The following LRMDA variants were observed in gnomAD, a reference collection of about 807,000 sequenced individuals.
LRMDA encodes leucine-rich melanocyte differentiation-associated protein.
In LRMDA, 18 loss-of-function variants were observed where a neutral mutation model predicts 29.8. The observed-to-expected ratio is 0.60, with a 90% confidence interval of 0.42 to 0.90. The LOEUF (loss-of-function observed/expected upper bound fraction) is 0.90, where lower values mean the gene tolerates loss of function less well. Ranked by LOEUF, LRMDA falls within the 40% of genes least tolerant of loss-of-function variation. The pLI is 0.00. For missense variants in LRMDA, 273 were observed against 273.9 expected, an observed-to-expected ratio of 1.00 and a Z score of 0.02; for synonymous variants, 125 against 109.4, an observed-to-expected ratio of 1.14 and a Z score of -0.89.
intron 6 of LRMDA, among the ~76,000 whole-genome samples, chr10:76,532,876 A>G (rs76050405): frequency 0.015 from 2,335 of 152,272 alleles, 54 homozygotes; most frequent in African/African-American, 0.052. Context: ...ACATTGCTTT[A>G]GTTATCACAG....
chr10:75,852,625 T>C (rs1429512143), intron 2 of LRMDA, among the ~76,000 whole-genome samples: 1 of 152,158 alleles, frequency 6.6e-6, no homozygotes, highest in Non-Finnish European at 1.5e-5. Context: ...CCTGGATTGT[T>C]AGCAAATCTA....
intron 6 of LRMDA, among the ~76,000 whole-genome samples, chr10:76,353,846 G>A (rs888957743): frequency 6.6e-6 from 1 of 152,128 alleles, no homozygotes; most frequent in Non-Finnish European, 1.5e-5. Flanking sequence ...TTTGTAATAA[G>A]GGGGGACATG....
intron 6 of LRMDA, among the ~76,000 whole-genome samples, chr10:76,337,270 T>C (rs1840981171): frequency 6.6e-6 from 1 of 152,190 alleles, no homozygotes; most frequent in Non-Finnish European, 1.5e-5. Context: ...TCAAAGAGCT[T>C]ATGTTCTAGT....
chr10:75,962,429 G>T (rs985773560), intron 2 of LRMDA, among the ~76,000 whole-genome samples: 5 of 152,166 alleles, frequency 3.3e-5, no homozygotes, highest in African/African-American at 9.7e-5. Context: ...CTTTGGTGGG[G>T]GCTCAGCAGT....
intron 5 of LRMDA, among the ~76,000 whole-genome samples, chr10:76,102,641 A>G (rs1849411942): frequency 6.6e-6 from 1 of 151,818 alleles, no homozygotes; most frequent in South Asian, 2.1e-4. Context: ...GGTCAGTTCC[A>G]TGTCTTTTGT....
chr10:76,432,005 T>A (rs1564539896), intron 6 of LRMDA, among the ~76,000 whole-genome samples: 1 of 152,186 alleles, frequency 6.6e-6, no homozygotes, highest in Non-Finnish European at 1.5e-5. Context: ...CCTCTTTATT[T>A]TGTAAATTGT....
intron 2 of LRMDA, among the ~76,000 whole-genome samples, chr10:75,811,968 C>A (rs1224652099): frequency 6.6e-6 from 1 of 152,122 alleles, no homozygotes; most frequent in Non-Finnish European, 1.5e-5. Flanking sequence ...CTGCTTTGTG[C>A]CCGCTGTGAT....
intron 2 of LRMDA, among the ~76,000 whole-genome samples, chr10:76,005,302 G>A (rs577683990): frequency 1.3e-5 from 2 of 152,312 alleles, no homozygotes; most frequent in East Asian, 3.9e-4. Flanking sequence ...CCAGAATGTG[G>A]AAGTGATCCA....
intron 2 of LRMDA, among the ~76,000 whole-genome samples, chr10:75,803,927 G>A (rs1476858875): frequency 6.6e-6 from 1 of 152,200 alleles, no homozygotes; most frequent in Non-Finnish European, 1.5e-5. Context: ...GCCATCTGCT[G>A]ACCCATTCGC....
chr10:76,147,537 A>G (rs916250668), intron 5 of LRMDA, among the ~76,000 whole-genome samples: 6 of 152,236 alleles, frequency 3.9e-5, no homozygotes, highest in Non-Finnish European at 7.4e-5. Context: ...CAGCTCCATC[A>G]GGTCCTTTAA....
chr10:75,734,371 G>A (rs900410809), intron 2 of LRMDA, among the ~76,000 whole-genome samples: 1 of 152,046 alleles, frequency 6.6e-6, no homozygotes, highest in East Asian at 1.9e-4. Flanking sequence ...GACATCCCCC[G>A]CCATGTTTAG....
At chr10:75,813,424 A>G (rs1411944678) in intron 2 of LRMDA, among the ~76,000 whole-genome samples, 2 of 152,208 alleles carry the variant, frequency 1.3e-5, no homozygotes, top group Non-Finnish European at 2.9e-5. Context: ...GAAGCTGAGA[A>G]TCTGTATTTT....
chr10:75,619,464 G>C lies in LRMDA; in HGVS notation c.131+180970G>C, dbSNP rs556521204. 2.0e-3 allele frequency among the ~76,000 whole-genome samples: 303 copies of C among 152,282 alleles called. 2 individuals are homozygous for C. Among genetic ancestry groups the C allele is most frequent in the African/African-American group, 7.0e-3 (290 of 41,562 alleles). On this transcript the variant is annotated intron_variant, in intron 2 of 6. Transcript: ENST00000611255. Reference sequence around the variant, plus strand: ...CAGTACACACTGCTGATTTTAATCAGTGTCAGCAGTTGTAGTTCATTGCTA... The same window carrying C: ...CAGTACACACTGCTGATTTTAATCACTGTCAGCAGTTGTAGTTCATTGCTA...
At chr10:76,036,213 C>T (rs1173774003) in intron 3 of LRMDA, 79 bp downstream of exon 3, 4 of 1,357,724 alleles carry the variant, frequency 2.9e-6, no homozygotes, top group Non-Finnish European at 4.0e-6. Flanking sequence ...GCACAAATAC[C>T]TGCAAAATGT....
intron 5 of LRMDA, among the ~76,000 whole-genome samples, chr10:76,152,989 C>T (rs997947160): frequency 1.2e-4 from 18 of 152,022 alleles, no homozygotes; most frequent in African/African-American, 2.7e-4. Context: ...TATAGGCATC[C>T]GCCACCACGT....
intron 2 of LRMDA, among the ~76,000 whole-genome samples, chr10:75,830,236 A>C (rs943819121): frequency 6.6e-6 from 1 of 152,164 alleles, no homozygotes; most frequent in Non-Finnish European, 1.5e-5. Context: ...GGAGGTAGAG[A>C]TGGTCATTTC....
Position 75,861,342 on chromosome 10 carries a change from G to A in LRMDA, c.132-174666G>A, listed in dbSNP as rs568433695. ...AGGGGTCCTTTTTACTCACTTGGGT[G>A]AAAAAAGGTGTAAAGTTGGTCCTTT... On this transcript the variant is annotated intron_variant, in intron 2 of 6. Coordinates refer to ENST00000611255, the MANE Select transcript of LRMDA (RefSeq NM_001305581.2). 2.0e-5 allele frequency among the ~76,000 whole-genome samples: 3 copies of A among 152,162 alleles called. No individual in the cohort carries two copies. In the East Asian group the frequency reaches 5.8e-4, roughly 29 times the overall value.
chr10:75,497,552 A>C (rs1845061444), intron 2 of LRMDA, among the ~76,000 whole-genome samples: 1 of 151,844 alleles, frequency 6.6e-6, no homozygotes, highest in Admixed American at 6.6e-5. Flanking sequence ...AACCCTATCA[A>C]AGTGTAGATC....
chr10:75,681,384 A>G (rs1289450944), intron 2 of LRMDA, among the ~76,000 whole-genome samples: 1 of 152,224 alleles, frequency 6.6e-6, no homozygotes, highest in African/African-American at 2.4e-5. Context: ...TTCCACAATA[A>G]TGCTACATAA....
Sources: allele counts gnomAD v4.1 joint callset (sites outside exome capture counted in the v4.1 genomes callset), GRCh38; gene constraint gnomAD v4.1.1; transcripts MANE v1.5; gene names NCBI Gene and HGNC (gene_info 2026-07-23, HGNC 2026-07-21).